Variants in TM7SF2 observed in about 807,000 individuals in gnomAD.
The protein encoded by TM7SF2 is delta(14)-sterol reductase TM7SF2.
Under a neutral mutation model 51.0 loss-of-function variants are expected in TM7SF2, and 51 were observed. That is an observed-to-expected ratio of 1.00 (90% CI 0.80 to 1.26). TM7SF2 has a LOEUF of 1.26. TM7SF2 is among the 50% of genes most tolerant of loss of function. TM7SF2 has a pLI of 0.00. For synonymous variants in TM7SF2, 255 were observed against 241.0 expected, an observed-to-expected ratio of 1.06 and a Z score of -0.54; for missense variants, 541 against 547.4, an observed-to-expected ratio of 0.99 and a Z score of 0.12.
chr11:65,111,937 A>G lies in TM7SF2; in HGVS notation c.-79A>G. On this transcript the variant is annotated 5_prime_UTR_variant, in exon 1 of 10. Coordinates refer to ENST00000279263, the MANE Select transcript of TM7SF2 (RefSeq NM_003273.6). Reference sequence around the variant, plus strand: ...CCGGATCCTCCGCGCGGCCGAGTCCATCTCCTGGGAAATGGGGCGGACAGT... The same window carrying G: ...CCGGATCCTCCGCGCGGCCGAGTCCGTCTCCTGGGAAATGGGGCGGACAGT... 4.1e-6 allele frequency: 6 copies of G among 1,478,946 alleles called. No individual in the cohort carries two copies. Among genetic ancestry groups the G allele is most frequent in the East Asian group, 2.5e-5 (1 of 40,602 alleles). 91.6% of individuals were successfully genotyped at this position (1,478,946 alleles called of 1,614,324 possible).
chr11:65,116,037 T>C lies in TM7SF2; in HGVS notation c.1241T>C (p.Met414Thr), dbSNP rs746855481. The C allele has an allele frequency of 1.5e-5, 24 of 1,608,476 alleles. No homozygotes were observed. The highest frequency in any genetic ancestry group is 1.9e-5 in the Non-Finnish European group (23 of 1,179,496). ...TGCCGGCGTGTGCCTTACCGCATCA[T>C]GCCCTACATCTACTGAAGCGGCTCC... The part of the protein sequence containing the change: ...EYCRRVPYRI[M>T]PYIY The change falls in exon 10 of 10, where the codon ATG becomes ACG. Residue 414 changes from methionine to threonine, a missense_variant. Coordinates refer to ENST00000279263, the MANE Select transcript of TM7SF2 (RefSeq NM_003273.6).
intron 3 of TM7SF2, 51 bp downstream of exon 3, chr11:65,112,916 C>G (rs1484032225): frequency 1.3e-6 from 2 of 1,544,466 alleles, no homozygotes; most frequent in East Asian, 4.9e-5. Context: ...GGGGGTGGAG[C>G]TCCAGGCCTA....
chr11:65,114,616 G>A, intron 5 of TM7SF2, 97 bp from the exon 6 acceptor site: 1 of 1,438,514 alleles, frequency 7.0e-7, no homozygotes, highest in Non-Finnish European at 9.4e-7. Context: ...CTTAAGAGCT[G>A]GAGTGTAACT....
intron 5 of TM7SF2, among the ~76,000 whole-genome samples, chr11:65,114,096 T>C (rs1440691647): frequency 6.6e-6 from 1 of 152,172 alleles, no homozygotes; most frequent in Non-Finnish European, 1.5e-5. Flanking sequence ...GCCCTGGAAA[T>C]TATCTTACCC....
rs771022046 is a variant in TM7SF2 at position 65,115,946 on chromosome 11, G to A, written c.1150G>A (p.Val384Met). 1.2e-5 allele frequency: 20 copies of A among 1,613,894 alleles called. No individual in the cohort carries two copies. The Admixed American group carries it at 1.3e-4, about 11-fold the overall frequency. Residue 384 changes from valine to methionine, a missense_variant, in exon 10 of 10, where the codon GTG becomes ATG. Transcript: ENST00000279263. ...CCTCCTCTACTTCACCGCGCTGCTG[G>A]TGCACCGTGAGGCCCGGGATGAGCG... ...FYLLYFTALL[V>M]HREARDERQC...
At position 65,112,628 on chromosome 11, in the gene TM7SF2, G is replaced by T; in HGVS notation, c.166G>T (p.Val56Leu). The change falls in exon 2 of 10, where the codon GTG (valine) becomes TTG (leucine). Residue 56 changes from valine to leucine, a missense_variant. Transcript: ENST00000279263. Reference sequence around the variant, plus strand: ...ACCCGCGTCCCTGCCGGGGCTGGAGGTGCTGTGGAGCCCACGGGCGCTGCT... The same window carrying T: ...ACCCGCGTCCCTGCCGGGGCTGGAGTTGCTGTGGAGCCCACGGGCGCTGCT... ...GPPASLPGLE[V>L]LWSPRALLLW... 4 of 1,530,200 alleles carry T rather than the reference G, an allele frequency of 2.6e-6. No individual in the cohort carries two copies. Among genetic ancestry groups the T allele is most frequent in the Non-Finnish European group, 3.5e-6 (4 of 1,141,760 alleles). The allele number at this position is 1,530,200 out of a possible 1,614,324, so 94.8% of individuals were successfully genotyped here.
At position 65,114,220 on chromosome 11, in the gene TM7SF2, A is replaced by C. The variant is rs1264781941; in HGVS notation, c.604-493A>C. 2.0e-5 allele frequency among the ~76,000 whole-genome samples: 3 copies of C among 152,146 alleles called. No individual in the cohort carries two copies. The East Asian group carries it at 5.8e-4, about 29-fold the overall frequency. ...GATAAAATTAAAGCTTTCTCCTAAG[A>C]TTACTGGGAAGATTAGAAGAGGTAA... is the stretch of plus-strand genomic sequence containing the variant. On this transcript the variant is annotated intron_variant, in intron 5 of 9. Coordinates refer to ENST00000279263, the MANE Select transcript of TM7SF2 (RefSeq NM_003273.6).
chr11:65,112,943 A>G, intron 3 of TM7SF2, 78 bp downstream of exon 3: 1 of 1,507,404 alleles, frequency 6.6e-7, no homozygotes. Context: ...AGGTCCACGG[A>G]GATTGGCCCC....
chr11:65,116,070 C>A lies in TM7SF2; in HGVS notation c.*17C>A. 1 of 1,596,172 alleles carries A rather than the reference C, an allele frequency of 6.3e-7. No homozygotes were observed. Among genetic ancestry groups the A allele is most frequent in the Non-Finnish European group, 8.5e-7 (1 of 1,174,258 alleles). On this transcript the variant is annotated 3_prime_UTR_variant, in exon 10 of 10. Coordinates refer to ENST00000279263, the MANE Select transcript of TM7SF2 (RefSeq NM_003273.6). ...ATCTACTGAAGCGGCTCCACCACCC[C>A]AGGTGGGGGCATGTGCCCACTCATC...
At chr11:65,113,184 G>T (rs760351071) in intron 3 of TM7SF2, 36 bp from the exon 4 acceptor site, 1 of 1,524,984 alleles carries the variant, frequency 6.6e-7, no homozygotes, top group Non-Finnish European at 8.8e-7. Flanking sequence ...ATGTGGAGGC[G>T]CGCAGCCCCA....
Position 65,115,750 on chromosome 11 carries a change from C to T in TM7SF2, c.1097-143C>T, listed in dbSNP as rs756805867. ...TGGCTGGGGCACACCTCTGTGCCAA[C>T]CTAGTACCGTGTGCTTTGCTGCAGA... On this transcript the variant is annotated intron_variant, in intron 9 of 9. Coordinates refer to ENST00000279263, the MANE Select transcript of TM7SF2 (RefSeq NM_003273.6). 3.8e-6 allele frequency: 6 copies of T among 1,560,334 alleles called. No individual in the cohort carries two copies. The East Asian group carries it at 1.1e-4, about 29-fold the overall frequency.
In TM7SF2 at chr11:65,115,064, T is replaced by C; in HGVS notation, c.875T>C (p.Val292Ala). 6.2e-7 allele frequency: 1 copy of C among 1,613,676 alleles called. No homozygotes were observed. Among genetic ancestry groups the C allele is most frequent in the Non-Finnish European group, 8.5e-7 (1 of 1,179,866 alleles). Residue 292 changes from valine (V) to alanine (A), a missense_variant, in exon 7 of 10, where the codon GTC (valine) becomes GCC (alanine). Coordinates refer to ENST00000279263, the MANE Select transcript of TM7SF2 (RefSeq NM_003273.6). ...CCCCTGGGGTTGCCCATGGCCTCTG[T>C]CATCTGCCTCATCAATGGTCAGTCA... is the stretch of plus-strand genomic sequence containing the variant. ...PQPLGLPMAS[V>A]ICLINATGYY...
At position 65,113,595 on chromosome 11, in the gene TM7SF2, G is replaced by A; in HGVS notation, c.603+1G>A. The A allele has an allele frequency of 1.2e-6, 2 of 1,602,000 alleles. No individual in the cohort carries two copies. Among genetic ancestry groups the A allele is most frequent in the Non-Finnish European group, 1.7e-6 (2 of 1,173,792 alleles). ...ACTGCGACCCGGCCTCATCGGCTGG[G>A]TATGTTGGGCTTGACTGAGCTGGCC... On this transcript the variant is annotated splice_donor_variant, in intron 5 of 9. Coordinates refer to ENST00000279263, the MANE Select transcript of TM7SF2 (RefSeq NM_003273.6). LOFTEE classifies it high-confidence loss of function.
chr11:65,115,303 T>A lies in TM7SF2; in HGVS notation c.893-11T>A, dbSNP rs762469012. The A allele has an allele frequency of 1.9e-6, 3 of 1,613,536 alleles. No homozygotes were observed. The highest frequency in any genetic ancestry group is 2.5e-6 in the Non-Finnish European group (3 of 1,179,766). On this transcript the variant is annotated splice_polypyrimidine_tract_variant and intron_variant, in intron 7 of 9. Transcript: ENST00000279263. ...CTTGACCTTGACCACCGGTTCACAC[T>A]CTCTCACCAGCTACTGGTTACTACA... is the stretch of plus-strand genomic sequence containing the variant.
intron 7 of TM7SF2, 110 bp from the exon 8 acceptor site, chr11:65,115,204 C>A: frequency 6.3e-7 from 1 of 1,593,280 alleles, no homozygotes; most frequent in Non-Finnish European, 8.6e-7. Flanking sequence ...AGGGCAGGGT[C>A]CTGGGGGTCC....
rs757798946 is a variant in TM7SF2 at position 65,116,001 on chromosome 11, G to A, written c.1205G>A (p.Trp402Ter). The A allele has an allele frequency of 6.2e-7, 1 of 1,612,742 alleles. No individual in the cohort carries two copies. Among genetic ancestry groups the A allele is most frequent in the South Asian group, 1.1e-5 (1 of 91,062 alleles). Residue 402 changes from tryptophan (W) to a stop codon, truncating the protein, a stop_gained, in exon 10 of 10, where the codon TGG becomes TAG. Transcript: ENST00000279263. LOFTEE classifies it high-confidence loss of function. Reference protein sequence around the residue: ...RQCLQKYGLAWQEYCRRVPYR... With the variant: ...RQCLQKYGLA ...TGCCTGCAGAAGTACGGCCTGGCCTGGCAGGAGTACTGCCGGCGTGTGCCT... is the reference window on the plus strand; with the variant it reads ...TGCCTGCAGAAGTACGGCCTGGCCTAGCAGGAGTACTGCCGGCGTGTGCCT...
chr11:65,112,225 G>A (rs1413652683), intron 1 of TM7SF2, 158 bp downstream of exon 1: 3 of 757,206 alleles, frequency 4.0e-6, no homozygotes, highest in Non-Finnish European at 6.4e-6. Flanking sequence ...TCTGGAGAGG[G>A]AGAGCTGAGG....
At position 65,114,713 on chromosome 11, in the gene TM7SF2, GTCC is replaced by G. The variant is rs774666568; in HGVS notation, c.607_609del (p.Leu203del). On this transcript the variant is annotated inframe_deletion and splice_region_variant, in exon 6 of 10. Transcript: ENST00000279263. The stretch of plus-strand genomic sequence containing the variant: ...CTATTGCCTTGTTCCCTCTCCCCAG[GTCC>G]TCATCAACCTGGCCCTGTTGATGAA... 68 of 1,613,894 alleles carry G rather than the reference GTCC, an allele frequency of 4.2e-5. No individual in the cohort carries two copies. Among genetic ancestry groups the G allele is most frequent in the Middle Eastern group, 1.6e-4 (1 of 6,080 alleles).
In TM7SF2 at chr11:65,116,020, T is replaced by A; in HGVS notation, c.1224T>A (p.Arg408=). 1 of 1,611,020 alleles carries A rather than the reference T, an allele frequency of 6.2e-7. No homozygotes were observed. The highest frequency in any genetic ancestry group is 1.1e-5 in the South Asian group (1 of 91,036). ...TGGCCTGGCAGGAGTACTGCCGGCG[T>A]GTGCCTTACCGCATCATGCCCTACA... ...YGLAWQEYCR[R]VPYRIMPYIY is the part of the protein sequence containing the mutation. The change falls in exon 10 of 10, where the codon CGT becomes CGA. Residue 408 remains arginine, a synonymous_variant. Coordinates refer to ENST00000279263, the MANE Select transcript of TM7SF2 (RefSeq NM_003273.6).
Sources: allele counts gnomAD v4.1 joint callset (sites outside exome capture counted in the v4.1 genomes callset), GRCh38; gene constraint gnomAD v4.1.1; transcripts MANE v1.5; gene names NCBI Gene and HGNC (gene_info 2026-07-23, HGNC 2026-07-21).